Variants in RBPJ observed in about 807,000 individuals in gnomAD.
The protein encoded by RBPJ is recombining binding protein suppressor of hairless.
In RBPJ, 9 loss-of-function variants were observed where a neutral mutation model predicts 67.8. That is an observed-to-expected ratio of 0.13 (90% CI 0.08 to 0.23). The LOEUF is 0.23. Ranked by LOEUF, RBPJ falls within the 10% of genes least tolerant of loss-of-function variation. RBPJ has a pLI of 1.00. For synonymous variants in RBPJ, 198 were observed against 203.3 expected (o/e 0.97, Z 0.22); for missense variants, 305 against 595.6 (o/e 0.51, Z 5.08).
intron 1 of RBPJ, among the ~76,000 whole-genome samples, chr4:26,308,397 T>C (rs1053935044): frequency 6.6e-6 from 1 of 152,252 alleles, no homozygotes; most frequent in African/African-American, 2.4e-5. Context: ...TATTTATTAA[T>C]AGAATGATTA....
Position 26,419,101 on chromosome 4 carries a change from C to T in RBPJ, c.322-1450C>T, listed in dbSNP as rs939479559. Among the ~76,000 whole-genome samples, 7 of 152,274 alleles carry T rather than the reference C, an allele frequency of 4.6e-5. No homozygotes were observed. The South Asian group carries it at 1.2e-3, about 27-fold the overall frequency. Reference sequence around the variant, plus strand: ...TCAAGCGACCGTCCCACCTCAGCCTCCTGAGTAGCTGGGACTACAGGCATG... The same window carrying T: ...TCAAGCGACCGTCCCACCTCAGCCTTCTGAGTAGCTGGGACTACAGGCATG... On this transcript the variant is annotated intron_variant, in intron 4 of 10. Transcript: ENST00000355476.
rs752069552 is a variant in RBPJ at position 26,429,945 on chromosome 4, C to T, written c.936C>T (p.Gly312=). 10 of 1,613,404 alleles carry T rather than the reference C, an allele frequency of 6.2e-6. No individual in the cohort carries two copies. Among genetic ancestry groups the T allele is most frequent in the Non-Finnish European group, 3.4e-6 (4 of 1,179,786 alleles). The part of the protein sequence containing the change: ...KEPNKEMIND[G]ASWTIISTDK... ...CAAATAAAGAGATGATAAATGATGG[C>T]GCTTCCTGGACAATCATTAGCACAG... Residue 312 remains glycine, a synonymous_variant, in exon 9 of 11, where the codon GGC becomes GGT. Coordinates refer to ENST00000355476, the MANE Select transcript of RBPJ (RefSeq NM_015874.6).
intron 1 of RBPJ, among the ~76,000 whole-genome samples, chr4:26,186,910 AT>A (rs1717285568): frequency 6.6e-6 from 1 of 152,124 alleles, no homozygotes; most frequent in East Asian, 1.9e-4. Context: ...GCCCCTCACT[AT>A]CACCCATTTT....
Position 26,280,494 on chromosome 4 carries a change from A to G in RBPJ, c.-166-81952A>G, listed in dbSNP as rs544091002. On this transcript the variant is annotated intron_variant, in intron 1 of 4. Coordinates refer to the RBPJ transcript ENST00000512351. ...TAATTTTCTGTGCCTCAGATAACTT[A>G]AGGAGACCATACTTTTTAAACTGTT... Among the ~76,000 whole-genome samples the G allele has an allele frequency of 3.8e-4, 58 of 152,138 alleles. No homozygotes were observed. The South Asian group carries it at 6.8e-3, about 18-fold the overall frequency.
At chr4:26,293,490 G>A (rs1721745842) in intron 1 of RBPJ, among the ~76,000 whole-genome samples, 1 of 149,566 alleles carries the variant, frequency 6.7e-6, no homozygotes, top group Admixed American at 6.7e-5. Context: ...TTTTTAATTA[G>A]CCAAGTCTGG....
At chr4:26,160,052 A>G (rs1245645908), upstream of RBPJ, among the ~76,000 whole-genome samples, 2 of 152,026 alleles carry the variant, frequency 1.3e-5, no homozygotes, top group African/African-American at 4.8e-5. Flanking sequence ...CTAAGTAGCT[A>G]GGACTACAGG....
chr4:26,416,147 C>G (rs1734564430), intron 4 of RBPJ, among the ~76,000 whole-genome samples: 1 of 152,136 alleles, frequency 6.6e-6, no homozygotes, highest in Admixed American at 6.5e-5. Context: ...GTTGGCTTTA[C>G]TCAAATTTTA....
the RBPJ span, among the ~76,000 whole-genome samples, chr4:26,119,043 G>A: frequency 5.3e-5 from 8 of 152,096 alleles, no homozygotes; most frequent in Non-Finnish European, 2.9e-5. Flanking sequence ...TCTTTAACAG[G>A]GTATTGCATT....
At chr4:26,325,833 T>C (rs1254848184) in intron 1 of RBPJ, among the ~76,000 whole-genome samples, 1 of 152,196 alleles carries the variant, frequency 6.6e-6, no homozygotes, top group African/African-American at 2.4e-5. Context: ...CCTTAGTAGG[T>C]TATTTCTCAA....
chr4:26,405,677 G>A (rs1010984947), intron 2 of RBPJ, among the ~76,000 whole-genome samples: 5 of 152,008 alleles, frequency 3.3e-5, no homozygotes, highest in Non-Finnish European at 1.5e-5. Context: ...TTATAGGATT[G>A]TCATTTTAGG....
At chr4:26,171,890 G>C (rs185640831) in intron 1 of RBPJ, among the ~76,000 whole-genome samples, 1 of 152,174 alleles carries the variant, frequency 6.6e-6, no homozygotes, top group Admixed American at 6.5e-5. Flanking sequence ...CAGCAGGCTC[G>C]GGGTTTTGCA....
intron 1 of RBPJ, among the ~76,000 whole-genome samples, 162 bp downstream of exon 1, chr4:26,321,210 G>A (rs1363384757): frequency 4.8e-5 from 7 of 146,230 alleles, no homozygotes; most frequent in Non-Finnish European, 9.1e-5. Flanking sequence ...GTGTGGCCGT[G>A]CGCTGCCGCT....
At position 26,431,147 on chromosome 4, in the gene RBPJ, T is replaced by G. The variant is rs1475599233; in HGVS notation, c.*140T>G. 4 of 348,078 alleles carry G rather than the reference T, an allele frequency of 1.1e-5. No individual in the cohort carries two copies. Among genetic ancestry groups the G allele is most frequent in the African/African-American group, 1.0e-4 (4 of 38,140 alleles). The allele number at this position is 348,078 out of a possible 1,614,324, so 21.6% of individuals were successfully genotyped here. A position where few individuals can be genotyped will look rare whatever the true frequency, so the allele number is the denominator to read the frequency against. On this transcript the variant is annotated 3_prime_UTR_variant, in exon 11 of 11. Transcript: ENST00000355476. Reference sequence around the variant, plus strand: ...GATACTATTCAAAAACCCCGTTGTCTCCCTGCAAGTGCTGATTTGAAATGC... The same window carrying G: ...GATACTATTCAAAAACCCCGTTGTCGCCCTGCAAGTGCTGATTTGAAATGC...
chr4:26,329,903 A>G (rs1468436566), intron 1 of RBPJ, among the ~76,000 whole-genome samples: 3 of 152,106 alleles, frequency 2.0e-5, no homozygotes, highest in Non-Finnish European at 4.4e-5. Context: ...CCAAAAAAAA[A>G]AAAAGAAAAT....
At chr4:26,393,198 T>C (rs1252239233) in intron 2 of RBPJ, among the ~76,000 whole-genome samples, 1 of 152,064 alleles carries the variant, frequency 6.6e-6, no homozygotes, top group Non-Finnish European at 1.5e-5. Flanking sequence ...AAACTACAGA[T>C]TTATATTGTT....
At chr4:26,186,284 TCTCTATGC>T (rs1717257174) in intron 1 of RBPJ, among the ~76,000 whole-genome samples, 1 of 151,592 alleles carries the variant, frequency 6.6e-6, no homozygotes, top group Admixed American at 6.6e-5. Context: ...TTACTTAATC[TCTCTATGC>T]CTCAGTTTCC....
At chr4:26,166,136 G>A (rs1233384452) in intron 1 of RBPJ, among the ~76,000 whole-genome samples, 1 of 148,106 alleles carries the variant, frequency 6.8e-6, no homozygotes, top group Non-Finnish European at 1.5e-5. Flanking sequence ...ATTTGGGTTG[G>A]TTCCAAGTCT....
intron 1 of RBPJ, among the ~76,000 whole-genome samples, chr4:26,331,076 G>C (rs554762208): frequency 6.6e-6 from 1 of 152,282 alleles, no homozygotes; most frequent in African/African-American, 2.4e-5. Flanking sequence ...CTAGTTCCTG[G>C]TTTGTTTTAG....
intron 1 of RBPJ, among the ~76,000 whole-genome samples, chr4:26,236,183 G>GT (rs1719444057): frequency 6.6e-6 from 1 of 152,190 alleles, no homozygotes; most frequent in African/African-American, 2.4e-5. Context: ...GTGGCATCCT[G>GT]TATCAGCCAC....
Sources: allele counts gnomAD v4.1 joint callset (sites outside exome capture counted in the v4.1 genomes callset), GRCh38; gene constraint gnomAD v4.1.1; transcripts MANE v1.5; gene names NCBI Gene and HGNC (gene_info 2026-07-23, HGNC 2026-07-21).